The following DDHD1 variants were observed in gnomAD, a reference collection of about 807,000 sequenced individuals.
DDHD1 encodes DDHD domain containing 1, also known as phospholipase DDHD1.
DDHD1 carries 49 observed loss-of-function variants against 96.4 expected under a neutral mutation model. That is an observed-to-expected ratio of 0.51 (90% CI 0.40 to 0.64). The LOEUF (loss-of-function observed/expected upper bound fraction) is 0.64, where lower values mean the gene tolerates loss of function less well. Ranked by LOEUF, DDHD1 falls within the 30% of genes least tolerant of loss-of-function variation. DDHD1 has a pLI of 0.00. For missense variants in DDHD1, 1,106 were observed against 1,161.2 expected, an observed-to-expected ratio of 0.95 and a Z score of 0.69; for synonymous variants, 442 against 446.5, an observed-to-expected ratio of 0.99 and a Z score of 0.13.
intron 9 of DDHD1, 85 bp from the exon 10 acceptor site, chr14:53,055,997 T>C (rs1389756371): frequency 8.7e-7 from 1 of 1,151,098 alleles, no homozygotes; most frequent in East Asian, 2.4e-5. Flanking sequence ...CTCTACTGCA[T>C]GTTAAGTAAA....
rs1882024786 is a variant in DDHD1, at chr14:53,046,602, T to C, written c.*166A>G. 4.4e-6 allele frequency: 2 copies of C among 452,844 alleles called. No individual in the cohort carries two copies. Among genetic ancestry groups the C allele is most frequent in the Non-Finnish European group, 3.8e-6 (1 of 261,922 alleles). The allele number at this position is 452,844 out of a possible 1,614,324, so 28.1% of individuals were successfully genotyped here. A position where few individuals can be genotyped will look rare whatever the true frequency, so the allele number is the denominator to read the frequency against. ...AAACTGTAAATGACTTCTTCAGAAC[T>C]GAAAACTTCTTTTTTTTTTAAATAA... On this transcript the variant is annotated 3_prime_UTR_variant, in exon 13 of 13. Transcript: ENST00000673822.
At position 53,151,601 on chromosome 14, in the gene DDHD1, G is replaced by A. The variant is rs1022055510; in HGVS notation, c.838+660C>T. 7.9e-5 allele frequency among the ~76,000 whole-genome samples: 12 copies of A among 152,332 alleles called. No homozygotes were observed. In the South Asian group the frequency reaches 1.4e-3, roughly 18 times the overall value. On this transcript the variant is annotated intron_variant, in intron 1 of 12. Transcript: ENST00000673822. ...TTTCTCCCCTTTTACAAATGAGGAA[G>A]ACGAGGCATAGAAATGGTAATTTTT...
intron 1 of DDHD1, among the ~76,000 whole-genome samples, chr14:53,139,457 G>A (rs1171623096): frequency 6.6e-6 from 1 of 152,118 alleles, no homozygotes; most frequent in African/African-American, 2.4e-5. Context: ...GAAATGCAAG[G>A]CAATGCTATG....
In DDHD1 at chr14:53,046,776, G is replaced by C; in HGVS notation, c.2695C>G (p.Pro899Ala). ...HDDDAKPNLD[P>A]I is the part of the protein sequence containing the mutation. ...ATGTCCTTCAAGAGAGTTCAGATTG[G>C]ATCTAAATTGGGTTTTGCATCATCA... is the stretch of plus-strand genomic sequence containing the variant. Residue 899 changes from proline to alanine, a missense_variant, in exon 13 of 13, where the codon CCA (proline) becomes GCA (alanine). By Grantham distance (27) the Pro-to-Ala change is conservative. Transcript: ENST00000673822. 1.9e-6 allele frequency: 3 copies of C among 1,600,208 alleles called. No individual in the cohort carries two copies. Among genetic ancestry groups the C allele is most frequent in the South Asian group, 1.1e-5 (1 of 88,850 alleles).
rs1418459427 is a variant in DDHD1, at chr14:53,049,944, T to C, written c.2521+1900A>G. Among the ~76,000 whole-genome samples the C allele has an allele frequency of 2.0e-5, 3 of 152,230 alleles. No homozygotes were observed. The East Asian group carries it at 5.8e-4, about 29-fold the overall frequency. ...TCTGCTACATTCCATGTGGAAGTGC[T>C]TGACAATCAAGGAATCTCCATAGTG... is the stretch of plus-strand genomic sequence containing the variant. On this transcript the variant is annotated intron_variant, in intron 12 of 12. Transcript: ENST00000673822.
rs1295333207 is a variant in DDHD1 at position 53,098,903 on chromosome 14, G to GCTGA, written c.1012+4779_1012+4780insTCAG. Among the ~76,000 whole-genome samples the GCTGA allele has an allele frequency of 2.6e-5, 4 of 151,920 alleles. No homozygotes were observed. The East Asian group carries it at 7.7e-4, about 29-fold the overall frequency. ...AATTTATCTGTGATTTTTATAGTCAGGTCTTGCGTTCTTAAACAATCTGTC... is the reference window on the plus strand; with the variant it reads ...AATTTATCTGTGATTTTTATAGTCAGCTGAGTCTTGCGTTCTTAAACAATCTGTC... On this transcript the variant is annotated intron_variant, in intron 2 of 12. Coordinates refer to ENST00000673822, the MANE Select transcript of DDHD1 (RefSeq NM_001160148.2).
chr14:53,140,400 G>A (rs1890560736), intron 1 of DDHD1, among the ~76,000 whole-genome samples: 2 of 152,100 alleles, frequency 1.3e-5, no homozygotes, highest in African/African-American at 4.8e-5. Flanking sequence ...CAAGTGTGGT[G>A]TACGCCTGTA....
At chr14:53,112,787 G>C (rs1006309372) in intron 1 of DDHD1, among the ~76,000 whole-genome samples, 1 of 151,968 alleles carries the variant, frequency 6.6e-6, no homozygotes, top group Non-Finnish European at 1.5e-5. Context: ...CTTTATTATT[G>C]CAAGACAATG....
chr14:53,151,363 A>T (rs1891349893), intron 1 of DDHD1, among the ~76,000 whole-genome samples: 1 of 152,194 alleles, frequency 6.6e-6, no homozygotes, highest in Non-Finnish European at 1.5e-5. Flanking sequence ...TGACTATTGA[A>T]TATCTCCTAT....
intron 1 of DDHD1, among the ~76,000 whole-genome samples, chr14:53,119,723 T>C (rs1002360602): frequency 6.6e-6 from 1 of 152,204 alleles, no homozygotes; most frequent in Non-Finnish European, 1.5e-5. Flanking sequence ...TCTCAATCGA[T>C]GCAGAAACGG....
intron 4 of DDHD1, among the ~76,000 whole-genome samples, chr14:53,080,132 G>A (rs1237257391): frequency 4.6e-5 from 7 of 152,226 alleles, no homozygotes; most frequent in Admixed American, 4.6e-4. Flanking sequence ...GGCCAAGGCA[G>A]GCAGATCACT....
At position 53,073,861 on chromosome 14, in the gene DDHD1, C is replaced by A. The variant is rs1196392043; in HGVS notation, c.1290-14G>T. ...GCTTCTCTCATCCTAAAAAAACAAA[C>A]AAACAAAAATGCAAACAAAGCTTTA... On this transcript the variant is annotated splice_polypyrimidine_tract_variant and intron_variant, in intron 4 of 12. Transcript: ENST00000673822. 1 of 1,600,804 alleles carries A rather than the reference C, an allele frequency of 6.2e-7. No homozygotes were observed. The highest frequency in any genetic ancestry group is 8.5e-7 in the Non-Finnish European group (1 of 1,172,310).
chr14:53,152,227 G>T, intron 1 of DDHD1, 34 bp downstream of exon 1: 3 of 1,554,094 alleles, frequency 1.9e-6, no homozygotes, highest in Non-Finnish European at 2.6e-6. Context: ...TGCAGGGGCA[G>T]CCCGTCCTGC....
chr14:53,123,159 T>C (rs1889141829), intron 1 of DDHD1, among the ~76,000 whole-genome samples: 1 of 126,864 alleles, frequency 7.9e-6, no homozygotes, highest in South Asian at 2.6e-4. Context: ...TTATTATTAT[T>C]ATTTTGAGAT....
intron 4 of DDHD1, among the ~76,000 whole-genome samples, chr14:53,081,510 GA>G (rs1885467885): frequency 6.6e-6 from 1 of 152,142 alleles, no homozygotes; most frequent in South Asian, 2.1e-4. Context: ...TACTTCGAGG[GA>G]CACTTGGCAA....
intron 1 of DDHD1, among the ~76,000 whole-genome samples, chr14:53,118,626 G>T (rs542372375): frequency 2.9e-4 from 44 of 152,200 alleles, no homozygotes; most frequent in African/African-American, 1.1e-3. Flanking sequence ...AGAGTAAAAA[G>T]AAACAAACAA....
chr14:53,109,454 A>T (rs572992107), intron 1 of DDHD1, among the ~76,000 whole-genome samples: 2 of 151,668 alleles, frequency 1.3e-5, no homozygotes, highest in Admixed American at 6.6e-5. Flanking sequence ...TCCCACTCAC[A>T]GGTTTGTAGC....
intron 4 of DDHD1, among the ~76,000 whole-genome samples, chr14:53,075,421 G>C (rs202113601): frequency 6.6e-6 from 1 of 152,262 alleles, no homozygotes; most frequent in East Asian, 1.9e-4. Context: ...GCCTAATCCA[G>C]AGCAAGCCTT....
intron 4 of DDHD1, among the ~76,000 whole-genome samples, chr14:53,082,156 CATG>C (rs1287373360): frequency 6.6e-6 from 1 of 152,174 alleles, no homozygotes. Flanking sequence ...GCACAAAAAT[CATG>C]ATTTCAGTCC....
Sources: gnomAD v4.1 joint callset for allele counts (sites outside exome capture counted in the v4.1 genomes callset) on GRCh38, gnomAD v4.1.1 for gene constraint, MANE v1.5 for transcripts, NCBI Gene and HGNC (gene_info 2026-07-23, HGNC 2026-07-21) for gene names.